The following SH3BGRL2 variants were observed in gnomAD, a reference collection of about 807,000 sequenced individuals.
The protein encoded by SH3BGRL2 is SH3 domain binding glutamate rich protein like 2.
Under a neutral mutation model 14.8 loss-of-function variants are expected in SH3BGRL2, and 21 were observed. The observed-to-expected ratio is 1.42, with a 90% CI of 1.01 to 2.05. The LOEUF (loss-of-function observed/expected upper bound fraction) is 2.05, where lower values mean the gene tolerates loss of function less well. Ranked by LOEUF, SH3BGRL2 falls within the 30% of genes most tolerant of loss-of-function variation. The pLI is 0.00. For missense variants in SH3BGRL2, 147 were observed against 130.8 expected (o/e 1.12, Z -0.61); for synonymous variants, 50 against 47.8 (o/e 1.05, Z -0.19).
At chr6:79,582,083 G>A in the SH3BGRL2 span, among the ~76,000 whole-genome samples, 5 of 152,138 alleles carry the variant, frequency 3.3e-5, no homozygotes, top group Non-Finnish European at 7.3e-5. Flanking sequence ...TACGAGGGAT[G>A]TGAAGGACCT....
the SH3BGRL2 span, among the ~76,000 whole-genome samples, chr6:79,595,080 G>GT: frequency 2.0e-5 from 3 of 152,182 alleles, no homozygotes; most frequent in Non-Finnish European, 2.9e-5. Context: ...GAGATCAGGA[G>GT]TTTGAGACCA....
chr6:79,560,860 A>G, the SH3BGRL2 span, among the ~76,000 whole-genome samples: 3 of 147,252 alleles, frequency 2.0e-5, no homozygotes, highest in African/African-American at 7.5e-5. Flanking sequence ...AATGTTAACA[A>G]TACACTCTTT....
chr6:79,692,671 A>G (rs7740446), intron 2 of SH3BGRL2, among the ~76,000 whole-genome samples: 56,876 of 151,930 alleles, frequency 0.37, 12,385 homozygotes, highest in South Asian at 0.55. Flanking sequence ...GGTTGTAGAT[A>G]TGTGGCATTA....
At chr6:79,562,662 G>A in the SH3BGRL2 span, among the ~76,000 whole-genome samples, 2 of 152,168 alleles carry the variant, frequency 1.3e-5, no homozygotes, top group Non-Finnish European at 2.9e-5. Flanking sequence ...AATTCAGGAA[G>A]AAATAATAGC....
chr6:79,662,035 G>T (rs1236425709), intron 1 of SH3BGRL2, among the ~76,000 whole-genome samples: 1 of 151,944 alleles, frequency 6.6e-6, no homozygotes, highest in Non-Finnish European at 1.5e-5. Flanking sequence ...GAGCCTATAT[G>T]TGTCTCTGCA....
At chr6:79,595,805 C>T in the SH3BGRL2 span, among the ~76,000 whole-genome samples, 5 of 152,120 alleles carry the variant, frequency 3.3e-5, no homozygotes, top group Non-Finnish European at 4.4e-5. Flanking sequence ...TAACTTTGTA[C>T]TGCATGTTCT....
the SH3BGRL2 span, among the ~76,000 whole-genome samples, chr6:79,615,923 T>C: frequency 6.7e-6 from 1 of 149,866 alleles, no homozygotes; most frequent in Non-Finnish European, 1.5e-5. Flanking sequence ...TTCAAGAGAT[T>C]CTCCTGCCTC....
At chr6:79,671,277 A>G (rs991611391) in intron 1 of SH3BGRL2, among the ~76,000 whole-genome samples, 15 of 151,966 alleles carry the variant, frequency 9.9e-5, no homozygotes, top group African/African-American at 3.4e-4. Flanking sequence ...GTTCAGCCTG[A>G]CCAACGTGGA....
the SH3BGRL2 span, among the ~76,000 whole-genome samples, chr6:79,541,907 C>A: frequency 2.6e-5 from 4 of 152,234 alleles, no homozygotes; most frequent in Admixed American, 2.0e-4. Flanking sequence ...ATTACAAGTT[C>A]CCCAGTCTGT....
chr6:79,572,467 A>AT, the SH3BGRL2 span, among the ~76,000 whole-genome samples: 57 of 144,848 alleles, frequency 3.9e-4, no homozygotes, highest in South Asian at 3.9e-3. Context: ...ATTTTATTTT[A>AT]TTTATTTATT....
intron 1 of SH3BGRL2, among the ~76,000 whole-genome samples, chr6:79,670,320 C>G (rs1769747696): frequency 6.6e-6 from 1 of 152,186 alleles, no homozygotes; most frequent in East Asian, 1.9e-4. Context: ...ATTCTGTGTT[C>G]CCTTTAATTG....
upstream of SH3BGRL2, among the ~76,000 whole-genome samples, chr6:79,630,100 G>A (rs371756365): frequency 1.6e-4 from 25 of 152,170 alleles, no homozygotes; most frequent in African/African-American, 5.5e-4. Context: ...TTTTAAACAC[G>A]AAGAAGAAAT....
the SH3BGRL2 span, among the ~76,000 whole-genome samples, chr6:79,586,235 C>CTTTTTTTTTTTTTTTTTTTT: frequency 1.8e-5 from 1 of 54,962 alleles, no homozygotes; most frequent in Non-Finnish European, 3.1e-5. Flanking sequence ...GTATGGACTT[C>CTTTTTTTTTTTTTTTTTTTT]TTTTTTTTTT....
the SH3BGRL2 span, among the ~76,000 whole-genome samples, chr6:79,581,181 CAG>C: frequency 6.6e-6 from 1 of 152,078 alleles, no homozygotes; most frequent in South Asian, 2.1e-4. Flanking sequence ...CAGGACCAGA[CAG>C]ATTCACAGCC....
At chr6:79,595,715 ATACT>A in the SH3BGRL2 span, among the ~76,000 whole-genome samples, 1 of 152,260 alleles carries the variant, frequency 6.6e-6, no homozygotes, top group Non-Finnish European at 1.5e-5. Flanking sequence ...AGCTTTTGTC[ATACT>A]TAATGGTAAA....
At chr6:79,553,305 TA>T in the SH3BGRL2 span, 1 of 152,150 alleles carries the variant, frequency 6.6e-6, no homozygotes, top group Admixed American at 6.5e-5. Context: ...AATATGGAAA[TA>T]ATTTGCAAAG....
At chr6:79,579,052 G>A in the SH3BGRL2 span, among the ~76,000 whole-genome samples, 1 of 152,294 alleles carries the variant, frequency 6.6e-6, no homozygotes, top group Middle Eastern at 3.4e-3. Context: ...AAGGGTATCA[G>A]TGATGGAAGA....
chr6:79,604,982 A>G, the SH3BGRL2 span, among the ~76,000 whole-genome samples: 9 of 152,070 alleles, frequency 5.9e-5, no homozygotes, highest in African/African-American at 2.2e-4. Context: ...CAATCCCACA[A>G]CTCTTTGCAA....
At chr6:79,617,651 G>A in the SH3BGRL2 span, among the ~76,000 whole-genome samples, 2 of 152,292 alleles carry the variant, frequency 1.3e-5, no homozygotes, top group South Asian at 2.1e-4. Flanking sequence ...CCAAAGTTTG[G>A]TAGATTAAGC....
Sources: allele counts gnomAD v4.1 joint callset (sites outside exome capture counted in the v4.1 genomes callset), GRCh38; gene constraint gnomAD v4.1.1; transcripts MANE v1.5; gene names NCBI Gene and HGNC (gene_info 2026-07-23, HGNC 2026-07-21).